The following DNAH6 variants were observed in gnomAD, a reference collection of about 807,000 sequenced individuals.
DNAH6 encodes axonemal beta dynein heavy chain 6.
DNAH6 carries 340 observed loss-of-function variants against 491.4 expected under a neutral mutation model. The ratio of observed to expected loss-of-function variants is 0.69; its 90% CI spans 0.63 to 0.76. The LOEUF (loss-of-function observed/expected upper bound fraction) is 0.76, where lower values mean the gene tolerates loss of function less well. Among genes scored for constraint, DNAH6 ranks in the 30% least tolerant of loss-of-function variants. DNAH6 has a pLI of 0.00. For synonymous variants in DNAH6, 1,603 were observed against 1,686.1 expected, an observed-to-expected ratio of 0.95 and a Z score of 1.21; for missense variants, 4,443 against 4,972.2, an observed-to-expected ratio of 0.89 and a Z score of 3.20.
intron 22 of DNAH6, among the ~76,000 whole-genome samples, chr2:84,612,620 C>G (rs57938368): frequency 0.041 from 6,166 of 152,170 alleles, 408 homozygotes; most frequent in African/African-American, 0.14. Flanking sequence ...CGAGGCAGCC[C>G]ACATTCCTTG....
chr2:84,802,314 C>G (rs1679000922), intron 70 of DNAH6, among the ~76,000 whole-genome samples: 1 of 152,030 alleles, frequency 6.6e-6, no homozygotes, highest in South Asian at 2.1e-4. Context: ...TTCAAGAGAC[C>G]CATCTCACAT....
At chr2:84,771,870 C>G (rs966876349) in intron 64 of DNAH6, among the ~76,000 whole-genome samples, 7 of 152,146 alleles carry the variant, frequency 4.6e-5, no homozygotes, top group African/African-American at 1.7e-4. Context: ...AGACAGTAAA[C>G]TGAATTCACA....
At chr2:84,703,306 A>C in intron 49 of DNAH6, 89 bp from the exon 50 acceptor site, 1 of 942,506 alleles carries the variant, frequency 1.1e-6, no homozygotes, top group South Asian at 3.0e-5. Context: ...GTAGACGTAA[A>C]AGTCTAATAC....
intron 70 of DNAH6, among the ~76,000 whole-genome samples, chr2:84,798,507 A>G (rs1678552954): frequency 6.6e-6 from 1 of 152,070 alleles, no homozygotes. Flanking sequence ...GGATAACACT[A>G]CCACACTCAT....
intron 2 of DNAH6, among the ~76,000 whole-genome samples, chr2:84,520,613 C>T (rs557255232): frequency 1.3e-4 from 20 of 152,136 alleles, no homozygotes; most frequent in African/African-American, 4.6e-4. Flanking sequence ...GTCTCTTGTA[C>T]CTCTCTTTTT....
At chr2:84,764,065 A>G (rs1361721530) in intron 64 of DNAH6, among the ~76,000 whole-genome samples, 1 of 152,176 alleles carries the variant, frequency 6.6e-6, no homozygotes, top group Admixed American at 6.5e-5. Context: ...TAGGAAGGGC[A>G]ATTTGCTTTA....
At chr2:84,578,090 T>C (rs1682648750) in intron 13 of DNAH6, among the ~76,000 whole-genome samples, 1 of 152,200 alleles carries the variant, frequency 6.6e-6, no homozygotes, top group South Asian at 2.1e-4. Flanking sequence ...CTGTATTGAC[T>C]GCAAATCTAA....
intron 18 of DNAH6, among the ~76,000 whole-genome samples, chr2:84,596,487 T>A (rs980030830): frequency 1.3e-5 from 2 of 151,872 alleles, no homozygotes; most frequent in Non-Finnish European, 2.9e-5. Context: ...CCCACCACGC[T>A]GGGCTAATTT....
At chr2:84,491,241 A>T in the DNAH6 span, among the ~76,000 whole-genome samples, 1 of 152,214 alleles carries the variant, frequency 6.6e-6, no homozygotes, top group African/African-American at 2.4e-5. Context: ...CAAGCAACGT[A>T]TGTGAGTTCC....
At chr2:84,549,858 C>A in intron 8 of DNAH6, 31 bp from the exon 9 acceptor site, 8 of 1,546,058 alleles carry the variant, frequency 5.2e-6, no homozygotes, top group South Asian at 2.4e-5. Context: ...TATAAGAAAC[C>A]GAAATTGTAT....
At chr2:84,683,482 G>T (rs1047983851) in intron 42 of DNAH6, among the ~76,000 whole-genome samples, 3 of 142,706 alleles carry the variant, frequency 2.1e-5, no homozygotes, top group Non-Finnish European at 4.5e-5. Flanking sequence ...GAGTGCAGTG[G>T]CGTGATCTCG....
chr2:84,705,356 A>G (rs763017941), intron 51 of DNAH6, 130 bp from the exon 52 acceptor site: 66 of 981,918 alleles, frequency 6.7e-5, no homozygotes, highest in Non-Finnish European at 8.8e-5. Context: ...ACCAATTACT[A>G]AAATTATAGT....
chr2:84,763,074 A>G, intron 64 of DNAH6, 129 bp downstream of exon 64: 1 of 690,518 alleles, frequency 1.4e-6, no homozygotes, highest in Non-Finnish European at 2.5e-6. Flanking sequence ...ACATAAATTT[A>G]AGATATGTTA....
intron 63 of DNAH6, 59 bp downstream of exon 63, chr2:84,745,308 G>A: frequency 1.7e-6 from 2 of 1,205,658 alleles, no homozygotes; most frequent in Non-Finnish European, 2.2e-6. Context: ...AAGCTCACTA[G>A]CCAGTTATGA....
intron 61 of DNAH6, among the ~76,000 whole-genome samples, chr2:84,728,889 T>C (rs1419424371): frequency 6.6e-6 from 1 of 152,136 alleles, no homozygotes; most frequent in African/African-American, 2.4e-5. Context: ...TGCTCCACTC[T>C]AAATTCTTGG....
intron 64 of DNAH6, among the ~76,000 whole-genome samples, chr2:84,780,995 G>A (rs987612656): frequency 3.9e-5 from 6 of 152,086 alleles, no homozygotes; most frequent in African/African-American, 1.2e-4. Context: ...GATAAGGAGG[G>A]GTACTGTTTT....
chr2:84,691,025 C>T (rs1694806392), intron 45 of DNAH6, among the ~76,000 whole-genome samples: 1 of 152,206 alleles, frequency 6.6e-6, no homozygotes, highest in Non-Finnish European at 1.5e-5. Context: ...CTAACGTTGT[C>T]ACCACACTCC....
intron 18 of DNAH6, among the ~76,000 whole-genome samples, chr2:84,598,127 TTTTCTTTCTTTCTTTC>T (rs56356355): frequency 2.7e-5 from 3 of 109,402 alleles, no homozygotes; most frequent in Non-Finnish European, 3.7e-5. Flanking sequence ...TCTATCTTTC[TTTTCTTTCTTTCTTTC>T]TTTCTTTCTT....
intron 26 of DNAH6, among the ~76,000 whole-genome samples, chr2:84,623,903 A>G (rs1445053194): frequency 6.6e-6 from 1 of 152,208 alleles, no homozygotes; most frequent in Non-Finnish European, 1.5e-5. Flanking sequence ...TTTAATTTTT[A>G]GGGAGGACAC....
Sources: gnomAD v4.1 joint callset for allele counts (sites outside exome capture counted in the v4.1 genomes callset) on GRCh38, gnomAD v4.1.1 for gene constraint, MANE v1.5 for transcripts, NCBI Gene and HGNC (gene_info 2026-07-23, HGNC 2026-07-21) for gene names.